The following CCDC73 variants were observed in gnomAD, a reference collection of about 807,000 sequenced individuals.
CCDC73 encodes coiled-coil domain-containing protein 73.
In CCDC73, 95 loss-of-function variants were observed where a neutral mutation model predicts 116.5. That is an observed-to-expected ratio of 0.82 (90% CI 0.69 to 0.97). The LOEUF (loss-of-function observed/expected upper bound fraction) is 0.97. Among genes scored for constraint, CCDC73 ranks in the 50% least tolerant of loss-of-function variants. CCDC73 has a pLI of 0.00. For missense variants in CCDC73, 1,066 were observed against 1,206.8 expected (o/e 0.88, Z 1.73); for synonymous variants, 398 against 401.3 (o/e 0.99, Z 0.10).
At chr11:32,654,096 A>T in intron 10 of CCDC73, 59 bp from the exon 11 acceptor site, 1 of 1,455,322 alleles carries the variant, frequency 6.9e-7, no homozygotes, top group Non-Finnish European at 9.3e-7. Flanking sequence ...TCTACATTCA[A>T]TTCAGTACTA....
intron 12 of CCDC73, among the ~76,000 whole-genome samples, chr11:32,645,445 C>T (rs1291405711): frequency 2.0e-5 from 3 of 152,042 alleles, no homozygotes; most frequent in Non-Finnish European, 4.4e-5. Flanking sequence ...GTGCATACCA[C>T]CACACTGGCT....
At chr11:32,754,268 T>C (rs1340125302) in intron 2 of CCDC73, among the ~76,000 whole-genome samples, 1 of 152,170 alleles carries the variant, frequency 6.6e-6, no homozygotes, top group East Asian at 1.9e-4. Flanking sequence ...AAGGTAATCA[T>C]TGAAATTAAA....
chr11:32,684,732 C>T (rs1248633080), intron 6 of CCDC73, among the ~76,000 whole-genome samples: 4 of 152,058 alleles, frequency 2.6e-5, no homozygotes, highest in Admixed American at 2.0e-4. Flanking sequence ...CCTGTAATTC[C>T]AGCACTTTAG....
chr11:32,688,059 A>G (rs1856221626), intron 6 of CCDC73, among the ~76,000 whole-genome samples: 1 of 152,194 alleles, frequency 6.6e-6, no homozygotes, highest in African/African-American at 2.4e-5. Flanking sequence ...ATAAATAAAT[A>G]TATTAAAAGT....
intron 5 of CCDC73, among the ~76,000 whole-genome samples, chr11:32,700,409 C>T (rs1849801484): frequency 6.6e-6 from 1 of 152,128 alleles, no homozygotes; most frequent in African/African-American, 2.4e-5. Context: ...TTTTTAAAGA[C>T]AGTAGTTCCA....
chr11:32,757,739 A>C (rs1362519233), intron 2 of CCDC73, among the ~76,000 whole-genome samples: 1 of 152,154 alleles, frequency 6.6e-6, no homozygotes, highest in African/African-American at 2.4e-5. Flanking sequence ...CTTCGACTAT[A>C]ACCTTTAGTT....
chr11:32,802,604 A>G, the CCDC73 span, among the ~76,000 whole-genome samples: 7,273 of 152,344 alleles, frequency 0.048, 237 homozygotes, highest in South Asian at 0.1. Flanking sequence ...ACAGAAACTC[A>G]TCCTACATCA....
At chr11:32,752,372 C>T (rs1850294165) in intron 2 of CCDC73, among the ~76,000 whole-genome samples, 1 of 152,074 alleles carries the variant, frequency 6.6e-6, no homozygotes, top group Admixed American at 6.6e-5. Context: ...ATCACTGTAG[C>T]AAAATATTTG....
chr11:32,614,786 G>A lies in CCDC73; in HGVS notation c.1532C>T (p.Ser511Leu). Residue 511 changes from serine (S) to leucine (L), a missense_variant, in exon 16 of 18, where the codon TCA (serine) becomes TTA (leucine). By Grantham distance (145) the Ser-to-Leu change is moderately radical. Transcript: ENST00000335185. ...CTTGTCTTTTATTTCTGTAGTAACT[G>A]ATTTTCTGTTGTCCGTAACATTCGA... ...QTSNVTDNRK[S>L]VTTEIKDKIC... 1 of 1,613,208 alleles carries A rather than the reference G, an allele frequency of 6.2e-7. No individual in the cohort carries two copies. The highest frequency in any genetic ancestry group is 8.5e-7 in the Non-Finnish European group (1 of 1,179,614).
chr11:32,608,570 A>G (rs1301198499), intron 17 of CCDC73, among the ~76,000 whole-genome samples: 1 of 152,162 alleles, frequency 6.6e-6, no homozygotes, highest in Non-Finnish European at 1.5e-5. Flanking sequence ...TTCCAGATAC[A>G]TAGTGCAAGC....
intron 1 of CCDC73, among the ~76,000 whole-genome samples, chr11:32,784,353 G>A (rs1850609114): frequency 6.6e-6 from 1 of 151,728 alleles, no homozygotes; most frequent in Non-Finnish European, 1.5e-5. Context: ...AAAGCAATGG[G>A]GAAAAATAAG....
At chr11:32,745,351 G>A (rs546081787) in intron 2 of CCDC73, among the ~76,000 whole-genome samples, 14 of 152,298 alleles carry the variant, frequency 9.2e-5, no homozygotes, top group South Asian at 8.3e-4. Flanking sequence ...GAATAAGTGC[G>A]ATGTGGTGCC....
chr11:32,701,193 A>G (rs1849807912), intron 4 of CCDC73, among the ~76,000 whole-genome samples: 1 of 152,084 alleles, frequency 6.6e-6, no homozygotes, highest in Admixed American at 6.5e-5. Context: ...TAGAGATACC[A>G]ATTATCTTTG....
chr11:32,816,419 GAA>G, the CCDC73 span, among the ~76,000 whole-genome samples: 1 of 152,052 alleles, frequency 6.6e-6, no homozygotes, highest in Non-Finnish European at 1.5e-5. Flanking sequence ...AGTGTTTTGT[GAA>G]ACTCATGAGT....
intron 1 of CCDC73, among the ~76,000 whole-genome samples, chr11:32,786,296 T>G (rs1412929768): frequency 6.7e-6 from 1 of 149,428 alleles, no homozygotes; most frequent in Non-Finnish European, 1.5e-5. Flanking sequence ...AAGTAGTTCA[T>G]TTATTTATAG....
chr11:32,761,147 C>T (rs1292976336), intron 1 of CCDC73, among the ~76,000 whole-genome samples: 2 of 152,118 alleles, frequency 1.3e-5, no homozygotes, highest in African/African-American at 4.8e-5. Flanking sequence ...TGAGAAAATA[C>T]TAATCTGTTA....
chr11:32,609,466 G>A (rs543776984), intron 17 of CCDC73, among the ~76,000 whole-genome samples: 10 of 152,076 alleles, frequency 6.6e-5, no homozygotes, highest in South Asian at 2.1e-4. Context: ...GGATTTCATC[G>A]TCCATATCAT....
At chr11:32,810,305 T>C in the CCDC73 span, among the ~76,000 whole-genome samples, 4 of 152,232 alleles carry the variant, frequency 2.6e-5, no homozygotes, top group African/African-American at 9.6e-5. Flanking sequence ...ATTAATAGAA[T>C]ATATCTTTAT....
intron 2 of CCDC73, among the ~76,000 whole-genome samples, chr11:32,743,814 T>C (rs972355408): frequency 2.6e-5 from 4 of 152,290 alleles, no homozygotes; most frequent in African/African-American, 2.4e-5. Context: ...GGGGCTGAGA[T>C]GATGGGGTTT....
Sources: allele counts gnomAD v4.1 joint callset (sites outside exome capture counted in the v4.1 genomes callset), GRCh38; gene constraint gnomAD v4.1.1; transcripts MANE v1.5; gene names NCBI Gene and HGNC (gene_info 2026-07-23, HGNC 2026-07-21).